Variants in MAD1L1 observed in about 807,000 individuals in gnomAD.
MAD1L1 encodes the protein mitotic spindle assembly checkpoint protein MAD1.
MAD1L1 carries 95 observed loss-of-function variants against 96.9 expected under a neutral mutation model. The observed-to-expected ratio is 0.98, with a 90% confidence interval of 0.83 to 1.16. The LOEUF is 1.16. Ranked by LOEUF, MAD1L1 falls within the 50% of genes most tolerant of loss-of-function variation. The probability of loss-of-function intolerance (pLI) is 0.00; values close to 1 mark genes in which losing one functional copy is unlikely to be tolerated. For synonymous variants in MAD1L1, 473 were observed against 396.6 expected, an observed-to-expected ratio of 1.19 and a Z score of -2.29; for missense variants, 1,007 against 954.4, an observed-to-expected ratio of 1.06 and a Z score of -0.73.
chr7:2,228,631 T>C (rs1010043739), intron 3 of MAD1L1, among the ~76,000 whole-genome samples: 8 of 135,254 alleles, frequency 5.9e-5, no homozygotes, highest in African/African-American at 2.4e-4. Flanking sequence ...CAAAAGAACA[T>C]TTACATAAAT....
intron 14 of MAD1L1, among the ~76,000 whole-genome samples, chr7:1,985,142 A>C (rs2128486112): frequency 6.6e-6 from 1 of 152,188 alleles, no homozygotes; most frequent in South Asian, 2.1e-4. Context: ...TGTGTCTGGG[A>C]GGGTTTGTGG....
At chr7:2,012,390 C>T (rs1182947269) in intron 13 of MAD1L1, among the ~76,000 whole-genome samples, 1 of 152,202 alleles carries the variant, frequency 6.6e-6, no homozygotes, top group South Asian at 2.1e-4. Context: ...AGACCCTCCC[C>T]GCAAATCTCT....
chr7:2,012,177 T>C (rs898743534), intron 13 of MAD1L1, among the ~76,000 whole-genome samples: 2 of 152,112 alleles, frequency 1.3e-5, no homozygotes, highest in Admixed American at 1.3e-4. Flanking sequence ...GCAAGCACGG[T>C]GCCCAAACAG....
At position 1,898,177 on chromosome 7, in the gene MAD1L1, G is replaced by A. The variant is rs750255188; in HGVS notation, c.1998+23C>T. 5.7e-6 allele frequency: 9 copies of A among 1,583,240 alleles called. No homozygotes were observed. The South Asian group carries it at 5.7e-5, about 10-fold the overall frequency. ...GGAGACAGAGAGCGAGACAGCCGGA[G>A]AGCCGTCACACGCAGGACCCACCTT... On this transcript the variant is annotated intron_variant, in intron 18 of 18. Coordinates refer to ENST00000265854, the MANE Select transcript of MAD1L1 (RefSeq NM_001013836.2).
chr7:2,116,291 G>A (rs73035490), intron 11 of MAD1L1, among the ~76,000 whole-genome samples: 5,579 of 152,278 alleles, frequency 0.037, 143 homozygotes, highest in Non-Finnish European at 0.056. Flanking sequence ...AGTGCCGGGA[G>A]GACGAACAAG....
intron 18 of MAD1L1, among the ~76,000 whole-genome samples, chr7:1,894,418 C>T (rs895178231): frequency 2.6e-5 from 4 of 152,172 alleles, no homozygotes; most frequent in Non-Finnish European, 4.4e-5. Context: ...GGGAGAAGCA[C>T]GGGTGCACCG....
chr7:1,914,326 G>A (rs1788232868), intron 17 of MAD1L1, among the ~76,000 whole-genome samples: 1 of 152,256 alleles, frequency 6.6e-6, no homozygotes, highest in Non-Finnish European at 1.5e-5. Context: ...CAGGGATGGT[G>A]AGACCACGGG....
At chr7:1,957,876 C>T (rs1255705504) in intron 15 of MAD1L1, among the ~76,000 whole-genome samples, 157 bp from the exon 16 acceptor site, 1 of 152,252 alleles carries the variant, frequency 6.6e-6, no homozygotes, top group East Asian at 1.9e-4. Flanking sequence ...CCAGCGATAA[C>T]ATCAAGAGAA....
chr7:1,921,911 G>C (rs901807397), intron 17 of MAD1L1, among the ~76,000 whole-genome samples: 1 of 152,106 alleles, frequency 6.6e-6, no homozygotes, highest in Non-Finnish European at 1.5e-5. Flanking sequence ...ATAAAAATAA[G>C]CTCAAAGAGC....
chr7:2,192,424 A>C (rs1039174113), intron 10 of MAD1L1, among the ~76,000 whole-genome samples: 1 of 152,018 alleles, frequency 6.6e-6, no homozygotes, highest in African/African-American at 2.4e-5. Flanking sequence ...GAGCCACCAC[A>C]CCCGGCCAAA....
chr7:2,077,589 C>T (rs890725981), intron 11 of MAD1L1, among the ~76,000 whole-genome samples: 12 of 152,192 alleles, frequency 7.9e-5, no homozygotes, highest in Admixed American at 1.3e-4. Flanking sequence ...GCTGAGCCAG[C>T]GGTTGGGAGG....
intron 17 of MAD1L1, among the ~76,000 whole-genome samples, chr7:1,909,562 A>G (rs60605830): frequency 0.45 from 68,672 of 151,764 alleles, 15,773 homozygotes; most frequent in Admixed American, 0.55. Flanking sequence ...GCTGGCCGGG[A>G]CCCCCCGGGA....
intron 9 of MAD1L1, among the ~76,000 whole-genome samples, chr7:2,214,283 C>T (rs994477574): frequency 6.6e-6 from 1 of 152,212 alleles, no homozygotes; most frequent in African/African-American, 2.4e-5. Context: ...CAATAAATTA[C>T]ACCGCGGGAG....
In MAD1L1 at chr7:1,882,938, A is replaced by G. The variant is rs59140398; in HGVS notation, c.1998+15262T>C. ...AACGGCCCCAGGAACCAGCTCTTTAACACCAAACCTGGTGTCACAAACGAC... is the reference window on the plus strand; with the variant it reads ...AACGGCCCCAGGAACCAGCTCTTTAGCACCAAACCTGGTGTCACAAACGAC... On this transcript the variant is annotated intron_variant, in intron 18 of 18. Transcript: ENST00000265854. 9.1e-4 allele frequency among the ~76,000 whole-genome samples: 132 copies of G among 144,320 alleles called. 1 individual carries two copies. Among genetic ancestry groups the G allele is most frequent in the African/African-American group, 3.5e-3 (126 of 35,802 alleles). 94.7% of individuals were successfully genotyped at this position (144,320 alleles called of 152,430 possible). A position where few individuals can be genotyped will look rare whatever the true frequency, so the allele number is the denominator to read the frequency against.
At chr7:2,177,562 T>C (rs1791003197) in intron 10 of MAD1L1, among the ~76,000 whole-genome samples, 1 of 152,252 alleles carries the variant, frequency 6.6e-6, no homozygotes, top group South Asian at 2.1e-4. Flanking sequence ...TTTGTCTAAT[T>C]TTTTAATCGC....
intron 3 of MAD1L1, among the ~76,000 whole-genome samples, chr7:2,228,301 A>G (rs1794012041): frequency 6.6e-6 from 1 of 152,150 alleles, no homozygotes; most frequent in Non-Finnish European, 1.5e-5. Flanking sequence ...CAACTCTGTC[A>G]CCCGGGCTGG....
intron 11 of MAD1L1, among the ~76,000 whole-genome samples, chr7:2,117,365 A>T (rs948743947): frequency 2.2e-4 from 33 of 152,200 alleles, no homozygotes; most frequent in African/African-American, 8.0e-4. Context: ...CCACAAACAG[A>T]GGCCACCCAC....
At chr7:2,110,382 G>A (rs538836432) in intron 11 of MAD1L1, among the ~76,000 whole-genome samples, 30 of 152,336 alleles carry the variant, frequency 2.0e-4, no homozygotes, top group East Asian at 1.9e-4. Flanking sequence ...TCGAGGTCCC[G>A]GCTCAGAAGC....
At chr7:1,938,840 GCACACACACA>G (rs72439038) in intron 16 of MAD1L1, among the ~76,000 whole-genome samples, 6 of 90,984 alleles carry the variant, frequency 6.6e-5, no homozygotes, top group African/African-American at 4.9e-5. Flanking sequence ...GGGGCCAGAG[GCACACACACA>G]CACACACACA....
Sources: gnomAD v4.1 joint callset for allele counts (sites outside exome capture counted in the v4.1 genomes callset) on GRCh38, gnomAD v4.1.1 for gene constraint, MANE v1.5 for transcripts, NCBI Gene and HGNC (gene_info 2026-07-23, HGNC 2026-07-21) for gene names.